Variants in RARS1 observed in about 807,000 individuals in gnomAD.
RARS1 encodes arginine--tRNA ligase, cytoplasmic.
In RARS1, 75 loss-of-function variants were observed where a neutral mutation model predicts 78.7. The ratio of observed to expected loss-of-function variants is 0.95; its 90% confidence interval spans 0.79 to 1.15. The LOEUF is 1.15. RARS1 is among the 50% of genes most tolerant of loss of function. RARS1 has a pLI of 0.00. For synonymous variants in RARS1, 273 were observed against 268.2 expected (o/e 1.02, Z -0.18); for missense variants, 787 against 787.5 (o/e 1.00, Z 0.01).
chr5:168,514,838 C>G (rs560669619), intron 12 of RARS1, among the ~76,000 whole-genome samples: 3 of 152,338 alleles, frequency 2.0e-5, no homozygotes, highest in East Asian at 3.9e-4. Flanking sequence ...GTTCCTTGGT[C>G]TGTCTTTGAC....
chr5:168,505,329 C>A (rs1052481160), intron 9 of RARS1, among the ~76,000 whole-genome samples: 24 of 152,136 alleles, frequency 1.6e-4, no homozygotes, highest in Non-Finnish European at 2.9e-4. Context: ...CTTCTTGCAT[C>A]CAAGAATTCT....
At chr5:168,510,460 C>A in intron 11 of RARS1, 121 bp from the exon 12 acceptor site, 1 of 728,530 alleles carries the variant, frequency 1.4e-6, no homozygotes, top group South Asian at 1.7e-5. Context: ...GCAATATGTA[C>A]CTTAGAGATT....
intron 11 of RARS1, among the ~76,000 whole-genome samples, chr5:168,507,877 C>CAAA (rs1195791208): frequency 2.1e-5 from 2 of 97,296 alleles, no homozygotes; most frequent in African/African-American, 4.0e-5. Flanking sequence ...CCATATCTGC[C>CAAA]AAAAAAAAAA....
intron 12 of RARS1, among the ~76,000 whole-genome samples, chr5:168,515,779 G>A (rs1758655279): frequency 6.6e-6 from 1 of 152,188 alleles, no homozygotes; most frequent in Non-Finnish European, 1.5e-5. Context: ...ACTGCCTTGT[G>A]TCACACAGCT....
intron 13 of RARS1, 150 bp from the exon 14 acceptor site, chr5:168,517,665 A>T: frequency 9.4e-7 from 1 of 1,063,664 alleles, no homozygotes; most frequent in African/African-American, 1.6e-5. Flanking sequence ...AGATCTGGCT[A>T]TTAGTTTTGC....
chr5:168,497,395 A>ATAATT, intron 7 of RARS1, 47 bp downstream of exon 7: 1 of 1,374,122 alleles, frequency 7.3e-7, no homozygotes, highest in Non-Finnish European at 9.7e-7. Flanking sequence ...ACCATTAATC[A>ATAATT]TAATTATCCA....
chr5:168,492,655 A>T lies in RARS1; in HGVS notation c.181-4A>T. On this transcript the variant is annotated splice_region_variant and splice_polypyrimidine_tract_variant and intron_variant, in intron 2 of 14. Transcript: ENST00000231572. Reference sequence around the variant, plus strand: ...ATTGACATGTTTCCATTCTTTTCCTACAGAGTCTTCAGGCAGAAAGGAACA... The same window carrying T: ...ATTGACATGTTTCCATTCTTTTCCTTCAGAGTCTTCAGGCAGAAAGGAACA... The T allele has an allele frequency of 1.3e-6, 2 of 1,578,190 alleles. No individual in the cohort carries two copies. Among genetic ancestry groups the T allele is most frequent in the Non-Finnish European group, 8.7e-7 (1 of 1,149,700 alleles).
At chr5:168,518,911 A>T (rs1758729126) in intron 14 of RARS1, among the ~76,000 whole-genome samples, 170 bp from the exon 15 acceptor site, 1 of 152,220 alleles carries the variant, frequency 6.6e-6, no homozygotes, top group South Asian at 2.1e-4. Flanking sequence ...TTATTTTTTA[A>T]ATTGTTTGTC....
chr5:168,488,031 A>G (rs2152903093), intron 1 of RARS1: 2 of 169,096 alleles, frequency 1.2e-5, no homozygotes, highest in South Asian at 2.1e-4. Context: ...AGCCAAAGAA[A>G]AGAACTAGGG....
At chr5:168,509,418 A>G (rs2432645) in intron 11 of RARS1, among the ~76,000 whole-genome samples, 91,983 of 144,760 alleles carry the variant, frequency 0.64, 29,872 homozygotes, top group East Asian at 0.88. Flanking sequence ...TCATTGTTAT[A>G]TTTGAGGGAT....
chr5:168,502,216 T>C, intron 9 of RARS1, 111 bp downstream of exon 9: 1 of 1,433,970 alleles, frequency 7.0e-7, no homozygotes, highest in Non-Finnish European at 9.2e-7. Flanking sequence ...ATTTCAACAG[T>C]TATGGGTACT....
At chr5:168,502,183 C>A in intron 9 of RARS1, 78 bp downstream of exon 9, 1 of 1,528,456 alleles carries the variant, frequency 6.5e-7, no homozygotes, top group Non-Finnish European at 8.8e-7. Flanking sequence ...ATAGTAATGC[C>A]AGCTTCATGT....
chr5:168,488,416 C>T lies in RARS1; in HGVS notation c.46-186C>T, dbSNP rs1758013824. On this transcript the variant is annotated intron_variant, in intron 1 of 14. Coordinates refer to ENST00000231572, the MANE Select transcript of RARS1 (RefSeq NM_002887.4). ...GTGCTGGGATTACAGGCGTGAGCCA[C>T]CATGCCTGGCCAATATTTTCTTATT... 4 of 619,540 alleles carry T rather than the reference C, an allele frequency of 6.5e-6. 1 individual carries two copies. In the South Asian group the frequency reaches 8.8e-5, roughly 14 times the overall value. 38.4% of individuals were successfully genotyped at this position (619,540 alleles called of 1,614,324 possible).
chr5:168,509,512 A>G (rs1758524235), intron 11 of RARS1, among the ~76,000 whole-genome samples: 1 of 149,610 alleles, frequency 6.7e-6, no homozygotes, highest in Non-Finnish European at 1.5e-5. Context: ...TGTTTAATAC[A>G]TAAAATTCAG....
At chr5:168,505,894 G>C in intron 9 of RARS1, 127 bp from the exon 10 acceptor site, 1 of 844,468 alleles carries the variant, frequency 1.2e-6, no homozygotes, top group Non-Finnish European at 1.8e-6. Flanking sequence ...GCTTTCTTTA[G>C]CTCTCTAATA....
chr5:168,514,214 C>A (rs937308791), intron 12 of RARS1, among the ~76,000 whole-genome samples: 1 of 151,932 alleles, frequency 6.6e-6, no homozygotes, highest in Non-Finnish European at 1.5e-5. Flanking sequence ...TTTGTTTTTA[C>A]CCTTTGGGGG....
At chr5:168,515,335 A>G (rs1048923764) in intron 12 of RARS1, among the ~76,000 whole-genome samples, 5 of 151,742 alleles carry the variant, frequency 3.3e-5, no homozygotes, top group African/African-American at 1.2e-4. Context: ...TTTTCCCCCC[A>G]CAAGAGATAG....
In RARS1 at chr5:168,506,098, G is replaced by T; in HGVS notation, c.1135G>T (p.Asp379Tyr). 6.2e-7 allele frequency: 1 copy of T among 1,605,646 alleles called. No homozygotes were observed. Among genetic ancestry groups the T allele is most frequent in the East Asian group, 2.2e-5 (1 of 44,524 alleles). The change falls in exon 10 of 15, where the codon GAT (aspartate) becomes TAT (tyrosine). Residue 379 changes from aspartate (D) to tyrosine (Y), a missense_variant. By Grantham distance (160) the Asp-to-Tyr change is radical. Transcript: ENST00000231572. ...CSIPLTIVKS[D>Y]GGYTYDTSDL... ...CATACCATTAACCATAGTAAAATCA[G>T]ATGGAGGTTATACCTATGATACATC... is the stretch of plus-strand genomic sequence containing the variant.
intron 2 of RARS1, 103 bp downstream of exon 2, chr5:168,488,839 G>A (rs1758022410): frequency 7.5e-7 from 1 of 1,340,826 alleles, no homozygotes; most frequent in Non-Finnish European, 1.0e-6. Flanking sequence ...ATGGAATTTG[G>A]AAAAGAAGCA....
Sources: allele counts gnomAD v4.1 joint callset (sites outside exome capture counted in the v4.1 genomes callset), GRCh38; gene constraint gnomAD v4.1.1; transcripts MANE v1.5; gene names NCBI Gene and HGNC (gene_info 2026-07-23, HGNC 2026-07-21).